Variants in CALN1 observed in about 807,000 individuals in gnomAD.
CALN1 encodes calcium-binding protein 8.
A neutral mutation model predicts 30.6 loss-of-function variants in CALN1; 17 were observed. The ratio of observed to expected loss-of-function variants is 0.56; its 90% confidence interval spans 0.38 to 0.83. The LOEUF is 0.83. CALN1 is among the 40% of genes least tolerant of loss of function. The pLI is 0.00. For missense variants in CALN1, 291 were observed against 354.9 expected (o/e 0.82, Z 1.45); for synonymous variants, 156 against 131.4 (o/e 1.19, Z -1.28).
chr7:72,286,787 TTA>T (rs1344525779), intron 2 of CALN1, among the ~76,000 whole-genome samples: 1 of 152,164 alleles, frequency 6.6e-6, no homozygotes, highest in Non-Finnish European at 1.5e-5. Context: ...TTCTGCATCA[TTA>T]GAGAAGGAAG....
chr7:72,164,872 T>C (rs1463285440), intron 3 of CALN1, among the ~76,000 whole-genome samples: 1 of 152,106 alleles, frequency 6.6e-6, no homozygotes, highest in Non-Finnish European at 1.5e-5. Context: ...TTTGTTTGTT[T>C]TTTGTAGAGA....
At chr7:71,940,043 A>G (rs764892684) in intron 5 of CALN1, among the ~76,000 whole-genome samples, 2 of 152,110 alleles carry the variant, frequency 1.3e-5, no homozygotes, top group Non-Finnish European at 2.9e-5. Context: ...AACCTTTGTT[A>G]TTGTTGTTGT....
At chr7:72,314,356 T>C (rs1216666070) in intron 2 of CALN1, among the ~76,000 whole-genome samples, 4 of 55,090 alleles carry the variant, frequency 7.3e-5, no homozygotes, top group African/African-American at 4.2e-4. Context: ...TATACATATA[T>C]ATACATATAC....
chr7:72,031,243 T>C (rs1247998916), intron 4 of CALN1, among the ~76,000 whole-genome samples: 8 of 152,172 alleles, frequency 5.3e-5, no homozygotes, highest in African/African-American at 4.8e-5. Flanking sequence ...GGCGACCAGG[T>C]ACACAGAGTC....
At chr7:72,369,112 G>A (rs969167646) in intron 2 of CALN1, among the ~76,000 whole-genome samples, 3 of 151,322 alleles carry the variant, frequency 2.0e-5, no homozygotes, top group African/African-American at 7.3e-5. Flanking sequence ...ACTGCACCCA[G>A]CCTGAAAACT....
At chr7:72,002,361 A>G (rs916503986) in intron 5 of CALN1, among the ~76,000 whole-genome samples, 1 of 152,238 alleles carries the variant, frequency 6.6e-6, no homozygotes, top group Non-Finnish European at 1.5e-5. Context: ...AGCCTATTTT[A>G]TAATAAAATG....
At chr7:72,039,564 G>T (rs375339310) in intron 4 of CALN1, among the ~76,000 whole-genome samples, 67 of 152,234 alleles carry the variant, frequency 4.4e-4, no homozygotes, top group African/African-American at 1.6e-3. Flanking sequence ...TTTTGACTTG[G>T]GTTTGACCCA....
At chr7:72,021,332 AAAG>A (rs1297117485) in intron 5 of CALN1, among the ~76,000 whole-genome samples, 1 of 152,050 alleles carries the variant, frequency 6.6e-6, no homozygotes, top group Non-Finnish European at 1.5e-5. Context: ...AGAATGAGAG[AAAG>A]AAGAAGGAGA....
intron 3 of CALN1, among the ~76,000 whole-genome samples, chr7:72,198,798 C>A (rs2129547302): frequency 6.6e-6 from 1 of 152,282 alleles, no homozygotes; most frequent in African/African-American, 2.4e-5. Flanking sequence ...TGCCCTAGGA[C>A]CACAGGCTTG....
chr7:71,888,559 G>T (rs1319516828), intron 5 of CALN1, among the ~76,000 whole-genome samples: 1 of 152,002 alleles, frequency 6.6e-6, no homozygotes, highest in Non-Finnish European at 1.5e-5. Flanking sequence ...TAAAGAAACG[G>T]CTAAAAAGTA....
At chr7:71,928,775 T>C (rs1160547945) in intron 5 of CALN1, among the ~76,000 whole-genome samples, 2 of 151,962 alleles carry the variant, frequency 1.3e-5, no homozygotes, top group South Asian at 2.1e-4. Context: ...CTCATGCCTA[T>C]AATATCACCA....
chr7:72,207,899 A>G (rs367561636), intron 3 of CALN1, among the ~76,000 whole-genome samples: 21 of 152,344 alleles, frequency 1.4e-4, no homozygotes, highest in African/African-American at 4.1e-4. Flanking sequence ...ATACAAATTT[A>G]TCTATGGTAT....
intron 3 of CALN1, among the ~76,000 whole-genome samples, chr7:72,224,234 A>C (rs1391625065): frequency 6.6e-6 from 1 of 152,192 alleles, no homozygotes; most frequent in African/African-American, 2.4e-5. Context: ...GGAGAATTAA[A>C]ATTGGAAGAA....
At chr7:72,289,919 A>C (rs750006189) in intron 2 of CALN1, among the ~76,000 whole-genome samples, 1 of 151,708 alleles carries the variant, frequency 6.6e-6, no homozygotes, top group Non-Finnish European at 1.5e-5. Context: ...TTCTACAAAA[A>C]ATAAAACAAT....
chr7:72,216,468 T>C (rs1034246690), intron 3 of CALN1, among the ~76,000 whole-genome samples: 31 of 151,788 alleles, frequency 2.0e-4, no homozygotes, highest in Non-Finnish European at 2.6e-4. Flanking sequence ...GGTCTGGGGA[T>C]TAGGAGGTGG....
At chr7:71,791,960 G>C (rs1283022353) in intron 6 of CALN1, among the ~76,000 whole-genome samples, 1 of 152,010 alleles carries the variant, frequency 6.6e-6, no homozygotes, top group African/African-American at 2.4e-5. Flanking sequence ...GCAGTGAGCC[G>C]AGATCGCGCC....
intron 5 of CALN1, among the ~76,000 whole-genome samples, chr7:71,973,080 A>G (rs1194347046): frequency 6.6e-6 from 1 of 152,150 alleles, no homozygotes; most frequent in Non-Finnish European, 1.5e-5. Context: ...TGGTCTCATT[A>G]ACAGCAACAT....
chr7:72,391,733 T>C (rs1246081311), intron 2 of CALN1, among the ~76,000 whole-genome samples: 1 of 152,044 alleles, frequency 6.6e-6, no homozygotes, highest in Non-Finnish European at 1.5e-5. Flanking sequence ...TTGTTTTTGT[T>C]TTTGCCTGCC....
chr7:72,452,455 T>C, the CALN1 span, among the ~76,000 whole-genome samples: 1 of 152,082 alleles, frequency 6.6e-6, no homozygotes, highest in African/African-American at 2.4e-5. Flanking sequence ...GAGATTTGAT[T>C]GTTAAAAAAA....
Sources: gnomAD v4.1 joint callset for allele counts (sites outside exome capture counted in the v4.1 genomes callset) on GRCh38, gnomAD v4.1.1 for gene constraint, MANE v1.5 for transcripts, NCBI Gene and HGNC (gene_info 2026-07-23, HGNC 2026-07-21) for gene names.